The following CHSY1 variants were observed in gnomAD, a reference collection of about 807,000 sequenced individuals.
CHSY1 encodes chondroitin sulfate synthase 1.
Under a neutral mutation model 59.8 loss-of-function variants are expected in CHSY1, and 13 were observed. The ratio of observed to expected loss-of-function variants is 0.22; its 90% CI spans 0.14 to 0.35. CHSY1 has a LOEUF of 0.35. Among genes scored for constraint, CHSY1 ranks in the 10% least tolerant of loss-of-function variants. The probability of loss-of-function intolerance (pLI) is 1.00; values close to 1 mark genes in which losing one functional copy is unlikely to be tolerated. For missense variants in CHSY1, 947 were observed against 1,030.6 expected (o/e 0.92, Z 1.11); for synonymous variants, 459 against 401.2 (o/e 1.14, Z -1.72).
At chr15:101,179,100 CT>C in intron 2 of CHSY1, 120 bp from the exon 3 acceptor site, 2 of 937,756 alleles carry the variant, frequency 2.1e-6, no homozygotes, top group Non-Finnish European at 3.3e-6. Flanking sequence ...ACAAAAGGCC[CT>C]AGATAAGGCC....
At chr15:101,238,591 G>A (rs553747308) in intron 1 of CHSY1, among the ~76,000 whole-genome samples, 69 of 152,174 alleles carry the variant, frequency 4.5e-4, no homozygotes, top group African/African-American at 1.7e-3. Context: ...CCATGACGCC[G>A]GTAACTATAA....
chr15:101,187,335 C>T (rs2038384018), intron 2 of CHSY1, among the ~76,000 whole-genome samples: 1 of 152,062 alleles, frequency 6.6e-6, no homozygotes. Flanking sequence ...AAAAATTAGC[C>T]AGGCATGGTG....
At chr15:101,187,924 C>T in intron 2 of CHSY1, 1 of 620,580 alleles carries the variant, frequency 1.6e-6, no homozygotes, top group Non-Finnish European at 2.0e-6. Flanking sequence ...TCACGCTATT[C>T]CCAGGAACTT....
chr15:101,225,073 C>A (rs1214920318), intron 2 of CHSY1, among the ~76,000 whole-genome samples: 1 of 152,228 alleles, frequency 6.6e-6, no homozygotes, highest in Non-Finnish European at 1.5e-5. Context: ...TTGATCCAGG[C>A]ACCCACCCTG....
chr15:101,184,919 T>C (rs80306921), intron 2 of CHSY1, among the ~76,000 whole-genome samples: 2,816 of 152,328 alleles, frequency 0.018, 98 homozygotes, highest in African/African-American at 0.064. Context: ...ATACCTGTAA[T>C]GATCTTTAAA....
chr15:101,242,427 C>G (rs1235672783), intron 1 of CHSY1: 4 of 152,302 alleles, frequency 2.6e-5, no homozygotes, highest in Admixed American at 6.5e-5. Flanking sequence ...CAGCTACAAA[C>G]TTTTCAGCAG....
chr15:101,203,861 C>T (rs1182539401), intron 2 of CHSY1, among the ~76,000 whole-genome samples: 1 of 152,134 alleles, frequency 6.6e-6, no homozygotes, highest in African/African-American at 2.4e-5. Flanking sequence ...GGTTAAAGGG[C>T]ACTTAAAGAG....
intron 1 of CHSY1, among the ~76,000 whole-genome samples, chr15:101,243,036 T>G (rs946844801): frequency 1.3e-5 from 2 of 152,308 alleles, no homozygotes; most frequent in African/African-American, 4.8e-5. Flanking sequence ...AAGCAAGCAG[T>G]AAAGAGCCCT....
At chr15:101,233,342 T>C (rs2038909171) in intron 2 of CHSY1, among the ~76,000 whole-genome samples, 1 of 152,112 alleles carries the variant, frequency 6.6e-6, no homozygotes, top group South Asian at 2.1e-4. Context: ...AGACATACTT[T>C]TAAAAATTCT....
At chr15:101,203,139 A>G (rs573771159) in intron 2 of CHSY1, among the ~76,000 whole-genome samples, 176 of 152,370 alleles carry the variant, frequency 1.2e-3, no homozygotes, top group Non-Finnish European at 1.9e-3. Context: ...GCCAAGCTTT[A>G]AAGTAGAAAT....
chr15:101,248,798 T>A (rs777030585), intron 1 of CHSY1, among the ~76,000 whole-genome samples: 2 of 152,074 alleles, frequency 1.3e-5, no homozygotes, highest in Non-Finnish European at 2.9e-5. Context: ...CTTATTTTCT[T>A]TTTTTTGAGA....
At chr15:101,222,096 A>G (rs1796013275) in intron 2 of CHSY1, among the ~76,000 whole-genome samples, 1 of 152,230 alleles carries the variant, frequency 6.6e-6, no homozygotes, top group Admixed American at 6.5e-5. Flanking sequence ...TGCTCAACTG[A>G]TAAGCTCTTT....
intron 1 of CHSY1, among the ~76,000 whole-genome samples, chr15:101,249,775 A>G (rs2039088741): frequency 6.6e-6 from 1 of 152,120 alleles, no homozygotes; most frequent in African/African-American, 2.4e-5. Flanking sequence ...TCGGCCTCCC[A>G]AAGTGCTAGA....
intron 1 of CHSY1, 100 bp downstream of exon 1, chr15:101,251,037 G>A: frequency 8.6e-7 from 1 of 1,161,300 alleles, no homozygotes; most frequent in Middle Eastern, 2.5e-4. Context: ...CCCAAGAAGG[G>A]CCTAGGAAGC....
chr15:101,239,264 C>A lies in CHSY1; in HGVS notation c.321-3687G>T, dbSNP rs1433319829. Among the ~76,000 whole-genome samples, 3 of 152,184 alleles carry A rather than the reference C, an allele frequency of 2.0e-5. No individual in the cohort carries two copies. The East Asian group carries it at 5.8e-4, about 29-fold the overall frequency. On this transcript the variant is annotated intron_variant, in intron 1 of 2. Coordinates refer to ENST00000254190, the MANE Select transcript of CHSY1 (RefSeq NM_014918.5). ...GGTGCCACACGTGTTTGCAAAAGGT[C>A]AGAAATCATTTCTATCTTGTACTTT...
intron 1 of CHSY1, among the ~76,000 whole-genome samples, chr15:101,237,224 A>T (rs1472007901): frequency 1.3e-5 from 1 of 74,212 alleles, no homozygotes; most frequent in African/African-American, 1.6e-4. Flanking sequence ...ACTCCATCTA[A>T]AAAAAAAAAA....
At chr15:101,249,215 G>T (rs1419115765) in intron 1 of CHSY1, among the ~76,000 whole-genome samples, 1 of 151,906 alleles carries the variant, frequency 6.6e-6, no homozygotes, top group East Asian at 1.9e-4. Flanking sequence ...GGAGATAAGG[G>T]AGTTACCTAA....
chr15:101,221,050 T>C (rs1483924095), intron 2 of CHSY1, among the ~76,000 whole-genome samples: 1 of 152,188 alleles, frequency 6.6e-6, no homozygotes, highest in Non-Finnish European at 1.5e-5. Flanking sequence ...CCACCTGCCA[T>C]TATTTATTTA....
At chr15:101,241,643 A>T (rs2039002523) in intron 1 of CHSY1, among the ~76,000 whole-genome samples, 1 of 152,216 alleles carries the variant, frequency 6.6e-6, no homozygotes, top group African/African-American at 2.4e-5. Context: ...TCTACTAGTT[A>T]CCATTAAAAA....
Sources: gnomAD v4.1 joint callset for allele counts (sites outside exome capture counted in the v4.1 genomes callset) on GRCh38, gnomAD v4.1.1 for gene constraint, MANE v1.5 for transcripts, NCBI Gene and HGNC (gene_info 2026-07-23, HGNC 2026-07-21) for gene names.